Variants in ISM1 observed in about 807,000 individuals in gnomAD.
The protein encoded by ISM1 is isthmin-1.
A neutral mutation model predicts 46.3 loss-of-function variants in ISM1; 25 were observed. That is an observed-to-expected ratio of 0.54 (90% CI 0.39 to 0.75). ISM1 has a LOEUF of 0.75. Among genes scored for constraint, ISM1 ranks in the 30% least tolerant of loss-of-function variants. ISM1 has a pLI of 0.00. For synonymous variants in ISM1, 255 were observed against 256.7 expected (o/e 0.99, Z 0.06); for missense variants, 536 against 625.4 (o/e 0.86, Z 1.52).
chr20:13,279,977 AC>A, intron 3 of ISM1, 79 bp downstream of exon 3: 3 of 1,375,914 alleles, frequency 2.2e-6, no homozygotes, highest in Non-Finnish European at 3.0e-6. Context: ...GCCAAGCAAA[AC>A]CCTGCTTAGA....
At chr20:13,312,172 A>G in the ISM1 span, among the ~76,000 whole-genome samples, 1 of 152,224 alleles carries the variant, frequency 6.6e-6, no homozygotes, top group African/African-American at 2.4e-5. Context: ...TATATGTGAT[A>G]TATTTTAAAC....
intron 1 of ISM1, among the ~76,000 whole-genome samples, chr20:13,223,888 A>G (rs1296863419): frequency 6.6e-6 from 1 of 152,154 alleles, no homozygotes; most frequent in Non-Finnish European, 1.5e-5. Context: ...GGAAAAGTAA[A>G]TTTGGCAGAT....
chr20:13,257,576 AGTG>A (rs2039942201), intron 1 of ISM1, among the ~76,000 whole-genome samples: 1 of 152,140 alleles, frequency 6.6e-6, no homozygotes. Context: ...CTCTCGAATC[AGTG>A]ATAATCCATT....
chr20:13,231,404 C>T (rs116723790), intron 1 of ISM1, among the ~76,000 whole-genome samples: 1 of 152,304 alleles, frequency 6.6e-6, no homozygotes, highest in African/African-American at 2.4e-5. Context: ...CCTACAAATT[C>T]CTGGTGTTTA....
the ISM1 span, among the ~76,000 whole-genome samples, chr20:13,310,043 C>G: frequency 6.6e-6 from 1 of 152,038 alleles, no homozygotes; most frequent in Non-Finnish European, 1.5e-5. Flanking sequence ...TCGATGCAAT[C>G]CCTAACAAAA....
Position 13,271,477 on chromosome 20 carries a change from C to T in ISM1, c.378+734C>T, listed in dbSNP as rs576128277. On this transcript the variant is annotated intron_variant, in intron 2 of 5. Coordinates refer to ENST00000262487, the MANE Select transcript of ISM1 (RefSeq NM_080826.2). The stretch of plus-strand genomic sequence containing the variant: ...AAGCAAATGTTGATCGGATTTGACC[C>T]TCCCAACACCCTCATGAAGGAGACA... Among the ~76,000 whole-genome samples, 15 of 152,292 alleles carry T rather than the reference C, an allele frequency of 9.8e-5. No homozygotes were observed. In the East Asian group the frequency reaches 2.9e-3, roughly 29 times the overall value.
chr20:13,288,117 C>A (rs1178585934), intron 3 of ISM1, among the ~76,000 whole-genome samples: 1 of 152,180 alleles, frequency 6.6e-6, no homozygotes, highest in East Asian at 1.9e-4. Flanking sequence ...GCTGCCAGGC[C>A]TTAAGGTCAA....
chr20:13,313,147 T>C, the ISM1 span, among the ~76,000 whole-genome samples: 14 of 152,198 alleles, frequency 9.2e-5, no homozygotes, highest in African/African-American at 3.4e-4. Context: ...AGATCCCTTC[T>C]ACAGCCTCCC....
chr20:13,308,404 G>A, the ISM1 span, among the ~76,000 whole-genome samples: 1 of 152,050 alleles, frequency 6.6e-6, no homozygotes, highest in Non-Finnish European at 1.5e-5. Flanking sequence ...CCAAGTCTTG[G>A]CAAGGCGATG....
intron 1 of ISM1, among the ~76,000 whole-genome samples, chr20:13,225,635 T>G (rs2039515810): frequency 6.6e-6 from 1 of 152,146 alleles, no homozygotes; most frequent in Non-Finnish European, 1.5e-5. Context: ...ACTCTCCATA[T>G]TGGGTAACTG....
At chr20:13,292,590 A>C in intron 5 of ISM1, 127 bp downstream of exon 5, 1 of 656,466 alleles carries the variant, frequency 1.5e-6, no homozygotes. Context: ...CAGTGCTCCC[A>C]GCATGTGTCT....
chr20:13,322,854 A>G, the ISM1 span, among the ~76,000 whole-genome samples: 1 of 152,164 alleles, frequency 6.6e-6, no homozygotes, highest in Non-Finnish European at 1.5e-5. Context: ...ACAGATCTGG[A>G]TAAGCTCACA....
At chr20:13,302,374 C>T (rs145859230), downstream of ISM1, among the ~76,000 whole-genome samples, 727 of 152,286 alleles carry the variant, frequency 4.8e-3, 3 homozygotes, top group Middle Eastern at 0.014. Flanking sequence ...AACTATAATC[C>T]ACCTCTATTA....
chr20:13,250,217 A>C (rs1398725361), intron 1 of ISM1, among the ~76,000 whole-genome samples: 2 of 152,154 alleles, frequency 1.3e-5, no homozygotes, highest in East Asian at 3.9e-4. Flanking sequence ...TAGGTTTCAA[A>C]TATTTTATAC....
At chr20:13,284,258 C>G (rs569583383) in intron 3 of ISM1, among the ~76,000 whole-genome samples, 2 of 152,308 alleles carry the variant, frequency 1.3e-5, no homozygotes, top group East Asian at 3.9e-4. Context: ...GTTGCCCCAC[C>G]ACTATGACTG....
At chr20:13,231,737 C>T (rs959382830) in intron 1 of ISM1, among the ~76,000 whole-genome samples, 7 of 152,170 alleles carry the variant, frequency 4.6e-5, no homozygotes, top group Non-Finnish European at 1.0e-4. Context: ...CACCCACATT[C>T]CCCATGGAAG....
chr20:13,274,714 G>C (rs2040158694), intron 2 of ISM1, among the ~76,000 whole-genome samples: 2 of 145,630 alleles, frequency 1.4e-5, no homozygotes, highest in Admixed American at 1.4e-4. Context: ...TTTCAGGATA[G>C]GAAATCCTTC....
At chr20:13,263,608 T>C (rs1283142052) in intron 1 of ISM1, among the ~76,000 whole-genome samples, 1 of 152,240 alleles carries the variant, frequency 6.6e-6, no homozygotes, top group Non-Finnish European at 1.5e-5. Context: ...TTTTTAGATG[T>C]GTGGAACTGT....
chr20:13,250,016 C>T (rs982945341), intron 1 of ISM1, among the ~76,000 whole-genome samples: 1 of 152,132 alleles, frequency 6.6e-6, no homozygotes, highest in East Asian at 1.9e-4. Flanking sequence ...TTCCATCGAT[C>T]GCTTCCAGGG....
Sources: allele counts gnomAD v4.1 joint callset (sites outside exome capture counted in the v4.1 genomes callset), GRCh38; gene constraint gnomAD v4.1.1; transcripts MANE v1.5; gene names NCBI Gene and HGNC (gene_info 2026-07-23, HGNC 2026-07-21).